PLCL1: variants seen among roughly 807,000 people sequenced by gnomAD.
PLCL1 encodes the protein inactive phospholipase C-like protein 1.
PLCL1 carries 41 observed loss-of-function variants against 84.4 expected under a neutral mutation model. That is an observed-to-expected ratio of 0.49 (90% CI 0.38 to 0.63). The LOEUF is 0.63. Among genes scored for constraint, PLCL1 ranks in the 30% least tolerant of loss-of-function variants. The pLI is 0.00. For missense variants in PLCL1, 1,206 were observed against 1,367.8 expected, an observed-to-expected ratio of 0.88 and a Z score of 1.87; for synonymous variants, 490 against 488.3, an observed-to-expected ratio of 1.00 and a Z score of -0.05.
chr2:198,076,451 A>G (rs1692578394), intron 1 of PLCL1, among the ~76,000 whole-genome samples: 1 of 152,246 alleles, frequency 6.6e-6, no homozygotes, highest in Admixed American at 6.5e-5. Flanking sequence ...AGAAACTTGC[A>G]TGCATACACT....
At chr2:197,964,906 A>G (rs980727285) in intron 1 of PLCL1, among the ~76,000 whole-genome samples, 8 of 152,266 alleles carry the variant, frequency 5.3e-5, no homozygotes, top group South Asian at 2.1e-4. Context: ...GTGTTGAACC[A>G]TCCTTGCATT....
At chr2:198,034,115 A>G (rs539702449) in intron 1 of PLCL1, among the ~76,000 whole-genome samples, 18 of 152,116 alleles carry the variant, frequency 1.2e-4, no homozygotes, top group Non-Finnish European at 2.4e-4. Context: ...CATTTACGTT[A>G]GGTATATCTC....
intron 1 of PLCL1, among the ~76,000 whole-genome samples, chr2:197,925,699 T>A (rs1401091): frequency 1.3e-5 from 2 of 152,042 alleles, no homozygotes; most frequent in East Asian, 1.9e-4. Flanking sequence ...CTAGTTGTAC[T>A]TAAACTACAA....
At chr2:197,939,657 C>CATAA (rs769851894) in intron 1 of PLCL1, among the ~76,000 whole-genome samples, 2 of 150,716 alleles carry the variant, frequency 1.3e-5, no homozygotes, top group African/African-American at 2.4e-5. Context: ...TACCTTTTTA[C>CATAA]ATAACCCATC....
intron 4 of PLCL1, among the ~76,000 whole-genome samples, chr2:198,103,265 T>G (rs1290163823): frequency 1.3e-5 from 2 of 152,036 alleles, no homozygotes; most frequent in East Asian, 3.9e-4. Context: ...GCTTCTTACT[T>G]ATTTACTTAT....
At position 198,014,837 on chromosome 2, in the gene PLCL1, A is replaced by G. The variant is rs550778938; in HGVS notation, c.241-68921A>G. Among the ~76,000 whole-genome samples the G allele has an allele frequency of 2.1e-4, 32 of 152,128 alleles. 1 individual carries two copies. The highest frequency in any genetic ancestry group is 7.7e-4 in the African/African-American group (32 of 41,520). ...TTTTTGATCTCTAGGGGGTGTACAG[A>G]AGTGTTCTACTTGTGCAAATTGTTT... On this transcript the variant is annotated intron_variant, in intron 1 of 5. Transcript: ENST00000428675.
At chr2:198,067,506 G>A (rs1692349938) in intron 1 of PLCL1, among the ~76,000 whole-genome samples, 4 of 152,140 alleles carry the variant, frequency 2.6e-5, no homozygotes, top group Admixed American at 1.3e-4. Context: ...GTAAGTAACA[G>A]TTCTTTTTTT....
At chr2:198,073,952 G>A (rs1272062297) in intron 1 of PLCL1, among the ~76,000 whole-genome samples, 1 of 152,122 alleles carries the variant, frequency 6.6e-6, no homozygotes. Context: ...TGTCCCAAGT[G>A]ACATACATTT....
At chr2:197,878,714 T>C (rs1687779769) in intron 1 of PLCL1, among the ~76,000 whole-genome samples, 1 of 152,128 alleles carries the variant, frequency 6.6e-6, no homozygotes, top group Admixed American at 6.6e-5. Context: ...TAGGATCAAA[T>C]TGAAGTTTCC....
chr2:198,122,781 CTT>C (rs1303688604), intron 5 of PLCL1, among the ~76,000 whole-genome samples: 2 of 152,118 alleles, frequency 1.3e-5, no homozygotes, highest in South Asian at 2.1e-4. Context: ...GTAAAATACA[CTT>C]AACAACAAAT....
intron 1 of PLCL1, among the ~76,000 whole-genome samples, chr2:197,940,287 TAAATC>T (rs1689133623): frequency 1.3e-5 from 2 of 152,098 alleles, no homozygotes; most frequent in African/African-American, 4.8e-5. Context: ...TTAATGAAAA[TAAATC>T]AAAAGAACTT....
chr2:197,869,954 T>C (rs566171406), intron 1 of PLCL1, among the ~76,000 whole-genome samples: 1 of 152,290 alleles, frequency 6.6e-6, no homozygotes, highest in Non-Finnish European at 1.5e-5. Context: ...CATACTTTTT[T>C]TTTCCATAAG....
At chr2:198,146,466 C>G (rs1223969435) in intron 5 of PLCL1, among the ~76,000 whole-genome samples, 1 of 152,108 alleles carries the variant, frequency 6.6e-6, no homozygotes, top group Non-Finnish European at 1.5e-5. Flanking sequence ...TGTGCAGAGT[C>G]TCAGACCATG....
In PLCL1 at chr2:198,053,003, G is replaced by A. The variant is rs76134727; in HGVS notation, c.241-30755G>A. ...AGCTGAAGGGCAACTGACAAGAGAAGGCAGTGGAGACTTGGGAAAAAGTGG... is the reference window on the plus strand; with the variant it reads ...AGCTGAAGGGCAACTGACAAGAGAAAGCAGTGGAGACTTGGGAAAAAGTGG... On this transcript the variant is annotated intron_variant, in intron 1 of 5. Transcript: ENST00000428675. Among the ~76,000 whole-genome samples the A allele has an allele frequency of 2.8e-3, 424 of 152,338 alleles. 3 individuals carry two copies. The highest frequency in any genetic ancestry group is 9.5e-3 in the African/African-American group (396 of 41,570).
rs140795049 is a variant in PLCL1, at chr2:198,108,047, A to G, written c.3105+4111A>G. On this transcript the variant is annotated intron_variant, in intron 5 of 5. Coordinates refer to ENST00000428675, the MANE Select transcript of PLCL1 (RefSeq NM_006226.4). ...ATTCCAGTGGTGCTGCTCTAAGAAG[A>G]TATCTTTTTCTATACGATTCTTCCT... 6.8e-3 allele frequency among the ~76,000 whole-genome samples: 1,040 copies of G among 152,008 alleles called. 5 individuals carry two copies. The highest frequency in any genetic ancestry group is 1.0e-2 in the Non-Finnish European group (676 of 67,868).
chr2:198,074,150 G>C (rs1432597697), intron 1 of PLCL1, among the ~76,000 whole-genome samples: 1 of 152,050 alleles, frequency 6.6e-6, no homozygotes, highest in East Asian at 1.9e-4. Flanking sequence ...ATATAACCTG[G>C]AGTTTTGTCC....
chr2:197,983,363 G>T (rs1463368098), intron 1 of PLCL1, among the ~76,000 whole-genome samples: 2 of 151,150 alleles, frequency 1.3e-5, no homozygotes, highest in Non-Finnish European at 1.5e-5. Context: ...CTGAGTAGCT[G>T]GGACCACAGG....
chr2:198,099,964 G>C (rs951506357), intron 3 of PLCL1, among the ~76,000 whole-genome samples: 1 of 152,026 alleles, frequency 6.6e-6, no homozygotes, highest in African/African-American at 2.4e-5. Flanking sequence ...AGAGAATTAA[G>C]AGCATACAAA....
At chr2:197,877,904 A>AT (rs61574261) in intron 1 of PLCL1, among the ~76,000 whole-genome samples, 1 of 152,074 alleles carries the variant, frequency 6.6e-6, no homozygotes, top group African/African-American at 2.4e-5. Flanking sequence ...AATCAAAGCC[A>AT]TTTTTCAGGA....
Sources: gnomAD v4.1 joint callset for allele counts (sites outside exome capture counted in the v4.1 genomes callset) on GRCh38, gnomAD v4.1.1 for gene constraint, MANE v1.5 for transcripts, NCBI Gene and HGNC (gene_info 2026-07-23, HGNC 2026-07-21) for gene names.